The following ZNF507 variants were observed in gnomAD, a reference collection of about 807,000 sequenced individuals.
ZNF507 encodes zinc finger protein 507.
ZNF507 carries 29 observed loss-of-function variants against 80.0 expected under a neutral mutation model. The ratio of observed to expected loss-of-function variants is 0.36; its 90% CI spans 0.27 to 0.49. The LOEUF (loss-of-function observed/expected upper bound fraction) is 0.49, where lower values mean the gene tolerates loss of function less well. ZNF507 is among the 20% of genes least tolerant of loss of function. ZNF507 has a pLI of 0.98. For synonymous variants in ZNF507, 462 were observed against 422.5 expected, an observed-to-expected ratio of 1.09 and a Z score of -1.15; for missense variants, 1,081 against 1,152.2, an observed-to-expected ratio of 0.94 and a Z score of 0.90.
At chr19:32,359,378 G>T (rs894197079) in intron 4 of ZNF507, 1 of 152,036 alleles carries the variant, frequency 6.6e-6, no homozygotes, top group South Asian at 2.1e-4. Context: ...ATAATACCAC[G>T]GATTTTACTT....
chr19:32,378,440 G>T (rs1163087083), intron 5 of ZNF507, among the ~76,000 whole-genome samples: 1 of 152,086 alleles, frequency 6.6e-6, no homozygotes, highest in Non-Finnish European at 1.5e-5. Flanking sequence ...TCCTGGATGG[G>T]GTCGTGGAAC....
intron 4 of ZNF507, 143 bp downstream of exon 4, chr19:32,356,876 C>CT: frequency 1.5e-6 from 1 of 664,028 alleles, no homozygotes; most frequent in South Asian, 1.7e-5. Flanking sequence ...AATCTGATCT[C>CT]TGTTTCTGAG....
rs781062211 is a variant in ZNF507 at position 32,384,953 on chromosome 19, T to C, written c.*1870T>C. 1.3e-5 allele frequency: 2 copies of C among 152,180 alleles called. No individual in the cohort carries two copies. The highest frequency in any genetic ancestry group is 2.4e-5 in the African/African-American group (1 of 41,462). The allele number at this position is 152,180 out of a possible 1,614,324, so 9.4% of individuals were successfully genotyped here. A position where few individuals can be genotyped will look rare whatever the true frequency, so the allele number is the denominator to read the frequency against. ...GAAACATTTTAATTTCAAATTCAAA[T>C]AGAACATTTAAAATGATTTCATTAT... On this transcript the variant is annotated 3_prime_UTR_variant, in exon 7 of 7. Transcript: ENST00000355898.
At position 32,347,119 on chromosome 19, in the gene ZNF507, A is replaced by T. The variant is rs1417563611; in HGVS notation, c.-96-126A>T. ...CATTACGTAATAGGGTTGCATGAACATTCCTCTGAATTTCTTTTTACATGG... is the reference window on the plus strand; with the variant it reads ...CATTACGTAATAGGGTTGCATGAACTTTCCTCTGAATTTCTTTTTACATGG... On this transcript the variant is annotated intron_variant, in intron 1 of 6. Coordinates refer to ENST00000355898, the MANE Select transcript of ZNF507 (RefSeq NM_001136156.2). 3 of 152,244 alleles carry T rather than the reference A, an allele frequency of 2.0e-5. No individual in the cohort carries two copies. In the East Asian group the frequency reaches 5.8e-4, roughly 29 times the overall value. The allele number at this position is 152,244 out of a possible 1,614,324, so 9.4% of individuals were successfully genotyped here.
rs1382957189 is a variant in ZNF507 at position 32,354,729 on chromosome 19, C to T, written c.1899C>T (p.Tyr633=). Residue 633 remains tyrosine (Y), a synonymous_variant, in exon 3 of 7, where the codon TAC becomes TAT. Transcript: ENST00000355898. The part of the protein sequence containing the change: ...TSLSGNNVVE[Y]IPNAERPYRC... The stretch of plus-strand genomic sequence containing the variant: ...TGTCCGGAAACAATGTGGTGGAATA[C>T]ATCCCGAATGCTGAACGACCCTACC... 4.3e-6 allele frequency: 7 copies of T among 1,614,094 alleles called. No individual in the cohort carries two copies. The highest frequency in any genetic ancestry group is 5.9e-6 in the Non-Finnish European group (7 of 1,180,042).
In ZNF507 at chr19:32,354,221, A is replaced by G. The variant is rs759934117; in HGVS notation, c.1391A>G (p.Lys464Arg). Reference sequence around the variant, plus strand: ...ATAGGCTGGAGCAGTTCAGAGAAAAAAGACGAGTTAATGAATAAAGGCCTG... The same window carrying G: ...ATAGGCTGGAGCAGTTCAGAGAAAAGAGACGAGTTAATGAATAAAGGCCTG... ...LIIGWSSSEK[K>R]DELMNKGLAT... The change falls in exon 3 of 7, where the codon AAA becomes AGA. Residue 464 changes from lysine (K) to arginine (R), a missense_variant. Lys to Arg is a conservative substitution (Grantham distance 26). This residue lies in a region of ZNF507 where 614 missense variants were observed against 583.9 expected (regional missense o/e 1.05). Transcript: ENST00000355898. 6.2e-7 allele frequency: 1 copy of G among 1,614,030 alleles called. No individual in the cohort carries two copies.
rs943845918 is a variant in ZNF507, at chr19:32,385,825, C to A, written c.*2742C>A. 7 of 151,592 alleles carry A rather than the reference C, an allele frequency of 4.6e-5. No homozygotes were observed. Among genetic ancestry groups the A allele is most frequent in the African/African-American group, 1.5e-4 (6 of 41,248 alleles). The allele number at this position is 151,592 out of a possible 1,614,324, so 9.4% of individuals were successfully genotyped here. Reference sequence around the variant, plus strand: ...ATGAGGTCCTCTGTTTACCTCCCCCCCCAAAAAAAAAATTCAGTAGGAATT... The same window carrying A: ...ATGAGGTCCTCTGTTTACCTCCCCCACCAAAAAAAAAATTCAGTAGGAATT... On this transcript the variant is annotated 3_prime_UTR_variant, in exon 7 of 7. Coordinates refer to ENST00000355898, the MANE Select transcript of ZNF507 (RefSeq NM_001136156.2).
chr19:32,368,496 C>A (rs1967428583), intron 5 of ZNF507, among the ~76,000 whole-genome samples: 1 of 152,168 alleles, frequency 6.6e-6, no homozygotes, highest in Non-Finnish European at 1.5e-5. Flanking sequence ...TATGACCTAA[C>A]CTTGGCAGTC....
chr19:32,356,286 G>A lies in ZNF507; in HGVS notation c.2128-330G>A, dbSNP rs112372291. On this transcript the variant is annotated intron_variant, in intron 3 of 6. Transcript: ENST00000355898. ...TGATTGGATTTTTTTTTGTGAAGTT[G>A]CATTATTCTGAACACTCTGCTCGTT... is the stretch of plus-strand genomic sequence containing the variant. Among the ~76,000 whole-genome samples the A allele has an allele frequency of 1.8e-4, 27 of 152,158 alleles. 1 individual carries two copies. The highest frequency in any genetic ancestry group is 6.5e-4 in the African/African-American group (27 of 41,528).
At chr19:32,373,169 C>T (rs1308912527) in intron 5 of ZNF507, among the ~76,000 whole-genome samples, 1 of 152,182 alleles carries the variant, frequency 6.6e-6, no homozygotes, top group Non-Finnish European at 1.5e-5. Context: ...AAGTCCCCAC[C>T]TCTTAATATT....
At chr19:32,359,352 G>C in intron 4 of ZNF507, 1 of 152,174 alleles carries the variant, frequency 6.6e-6, no homozygotes, top group East Asian at 1.9e-4. Flanking sequence ...AAATTTCAGT[G>C]TGGGTTTTCC....
In ZNF507 at chr19:32,354,044, C is replaced by T. The variant is rs1195795791; in HGVS notation, c.1214C>T (p.Ala405Val). The T allele has an allele frequency of 1.9e-6, 3 of 1,613,978 alleles. No homozygotes were observed. Among genetic ancestry groups the T allele is most frequent in the Non-Finnish European group, 2.5e-6 (3 of 1,180,026 alleles). ...GTGATAGTGGAGCGATTGCCAAGTG[C>T]TGAAGAAACCCTTTCACAGAAGCGC... is the stretch of plus-strand genomic sequence containing the variant. The part of the protein sequence containing the change: ...VNVIVERLPS[A>V]EETLSQKRFL... The change falls in exon 3 of 7, where the codon GCT becomes GTT. Residue 405 changes from alanine to valine, a missense_variant. Around this residue, in one of 6 missense-constraint regions of ZNF507, gnomAD observed 614 missense variants for 583.9 expected, o/e 1.05. Coordinates refer to ENST00000355898, the MANE Select transcript of ZNF507 (RefSeq NM_001136156.2).
At chr19:32,350,384 C>T (rs1967147359) in intron 2 of ZNF507, among the ~76,000 whole-genome samples, 1 of 152,192 alleles carries the variant, frequency 6.6e-6, no homozygotes, top group South Asian at 2.1e-4. Flanking sequence ...GAGATACTTA[C>T]ATAAATGTTC....
intron 4 of ZNF507, 93 bp downstream of exon 4, chr19:32,356,826 G>A (rs1599548745): frequency 1.1e-6 from 1 of 913,108 alleles, no homozygotes; most frequent in African/African-American, 1.6e-5. Flanking sequence ...CAGGGCAAAA[G>A]CCTATATTCT....
intron 5 of ZNF507, among the ~76,000 whole-genome samples, chr19:32,370,397 A>C (rs551809931): frequency 6.6e-6 from 1 of 152,340 alleles, no homozygotes; most frequent in Admixed American, 6.5e-5. Context: ...ACCTTTGCCA[A>C]CATTTATTCT....
intron 5 of ZNF507, among the ~76,000 whole-genome samples, chr19:32,369,051 G>A (rs1207380754): frequency 6.6e-6 from 1 of 152,226 alleles, no homozygotes; most frequent in African/African-American, 2.4e-5. Context: ...CTTAGTAACA[G>A]TTGGAGAGTC....
In ZNF507 at chr19:32,386,495, ATAAG is replaced by A. The variant is rs1463473104; in HGVS notation, c.*3415_*3418del. 2 of 152,656 alleles carry A rather than the reference ATAAG, an allele frequency of 1.3e-5. No homozygotes were observed. The highest frequency in any genetic ancestry group is 4.8e-5 in the African/African-American group (2 of 41,460). The allele number at this position is 152,656 out of a possible 1,614,324, so 9.5% of individuals were successfully genotyped here. On this transcript the variant is annotated 3_prime_UTR_variant, in exon 7 of 7. Transcript: ENST00000355898. ...ATGAATACATGTATTTTTTTAAGAA[ATAAG>A]TATTGTGTAACACTATGGCATTGCT...
chr19:32,353,044 C>A lies in ZNF507; in HGVS notation c.214C>A (p.Arg72Ser). ...KCLLIGKKRP[R>S]SSAATHSLET... ...TCTTTTAATTGGGAAGAAACGCCCA[C>A]GTTCAAGTGCTGCAACACACTCTCT... The change falls in exon 3 of 7, where the codon CGT becomes AGT. Residue 72 changes from arginine to serine, a missense_variant. Coordinates refer to ENST00000355898, the MANE Select transcript of ZNF507 (RefSeq NM_001136156.2). 6.2e-7 allele frequency: 1 copy of A among 1,614,032 alleles called. No individual in the cohort carries two copies. The highest frequency in any genetic ancestry group is 8.5e-7 in the Non-Finnish European group (1 of 1,179,956).
chr19:32,381,718 A>T (rs1967625559), intron 5 of ZNF507, among the ~76,000 whole-genome samples: 1 of 152,208 alleles, frequency 6.6e-6, no homozygotes, highest in African/African-American at 2.4e-5. Flanking sequence ...ATCAATATAG[A>T]TTCATCATTT....
Sources: gnomAD v4.1 joint callset for allele counts (sites outside exome capture counted in the v4.1 genomes callset) on GRCh38, gnomAD v4.1.1 for gene constraint, gnomAD v4.1.1 regional missense constraint, MANE v1.5 for transcripts, NCBI Gene and HGNC (gene_info 2026-07-23, HGNC 2026-07-21) for gene names.